The following CACNA1E variants were observed in gnomAD, a reference collection of about 807,000 sequenced individuals.
CACNA1E encodes calcium voltage-gated channel subunit alpha1 E.
In CACNA1E, 40 loss-of-function variants were observed where a neutral mutation model predicts 259.2. That is an observed-to-expected ratio of 0.15 (90% CI 0.12 to 0.20). The LOEUF is 0.20. Among genes scored for constraint, CACNA1E ranks in the 10% least tolerant of loss-of-function variants. CACNA1E has a pLI of 1.00. For synonymous variants in CACNA1E, 1,104 were observed against 1,138.5 expected (o/e 0.97, Z 0.61); for missense variants, 1,874 against 3,040.1 (o/e 0.62, Z 9.02).
chr1:181,686,159 C>G (rs933804452), intron 7 of CACNA1E, among the ~76,000 whole-genome samples: 1 of 151,842 alleles, frequency 6.6e-6, no homozygotes, highest in East Asian at 1.9e-4. Context: ...GTCCGGTGAA[C>G]CTTTTGATAT....
At chr1:181,502,828 A>G (rs766076932) in intron 1 of CACNA1E, among the ~76,000 whole-genome samples, 1 of 152,150 alleles carries the variant, frequency 6.6e-6, no homozygotes, top group Admixed American at 6.5e-5. Context: ...CCTCCTAAGT[A>G]GCTGGGATTA....
chr1:181,530,856 T>C (rs1195844409), intron 3 of CACNA1E, among the ~76,000 whole-genome samples: 2 of 152,094 alleles, frequency 1.3e-5, no homozygotes, highest in African/African-American at 2.4e-5. Context: ...AGAGGTAAAA[T>C]GGAAGAGAAG....
At chr1:181,502,297 A>G (rs1371924053) in intron 1 of CACNA1E, among the ~76,000 whole-genome samples, 1 of 152,226 alleles carries the variant, frequency 6.6e-6, no homozygotes, top group African/African-American at 2.4e-5. Flanking sequence ...CCATATATTG[A>G]TAAATTTGGA....
At chr1:181,415,133 T>C (rs1396110694) in intron 2 of CACNA1E, among the ~76,000 whole-genome samples, 1 of 151,676 alleles carries the variant, frequency 6.6e-6, no homozygotes, top group African/African-American at 2.4e-5. Context: ...CATCTTATCT[T>C]TCTAAGAGGA....
chr1:181,772,736 G>A (rs1032701284), intron 37 of CACNA1E, among the ~76,000 whole-genome samples: 1 of 152,134 alleles, frequency 6.6e-6, no homozygotes, highest in African/African-American at 2.4e-5. Context: ...AATAAATGTG[G>A]TTCTCTCTTG....
intron 1 of CACNA1E, among the ~76,000 whole-genome samples, chr1:181,384,610 T>A (rs1013466613): frequency 2.0e-5 from 3 of 152,174 alleles, no homozygotes; most frequent in African/African-American, 7.2e-5. Flanking sequence ...ATTTCTGGTT[T>A]TGGTTCTTTT....
At chr1:181,417,223 C>G (rs899941879) in intron 2 of CACNA1E, among the ~76,000 whole-genome samples, 1 of 152,126 alleles carries the variant, frequency 6.6e-6, no homozygotes, top group African/African-American at 2.4e-5. Flanking sequence ...GTCACCATTT[C>G]CCATCTTATC....
At chr1:181,702,150 C>T (rs1009555073) in intron 7 of CACNA1E, among the ~76,000 whole-genome samples, 3 of 152,102 alleles carry the variant, frequency 2.0e-5, no homozygotes, top group African/African-American at 7.2e-5. Flanking sequence ...CTGATCCTCC[C>T]TCTTCCCAAA....
intron 7 of CACNA1E, among the ~76,000 whole-genome samples, chr1:181,658,538 A>G (rs545706290): frequency 9.2e-5 from 14 of 152,300 alleles, no homozygotes; most frequent in Admixed American, 4.6e-4. Context: ...TTAGCTGCCT[A>G]TATCCTTCGA....
chr1:181,456,733 T>A (rs1343691497), intron 2 of CACNA1E, among the ~76,000 whole-genome samples: 3 of 152,122 alleles, frequency 2.0e-5, no homozygotes, highest in Admixed American at 1.3e-4. Context: ...GCAGCAGAAA[T>A]TCATGTTCAC....
intron 3 of CACNA1E, among the ~76,000 whole-genome samples, chr1:181,524,229 A>G (rs909592088): frequency 6.6e-6 from 1 of 152,140 alleles, no homozygotes; most frequent in African/African-American, 2.4e-5. Flanking sequence ...TGGTGGTTTT[A>G]TTTTTTTATA....
chr1:181,543,621 A>T (rs538901664), intron 3 of CACNA1E, among the ~76,000 whole-genome samples: 2 of 152,306 alleles, frequency 1.3e-5, no homozygotes, highest in African/African-American at 4.8e-5. Context: ...CTCGCCAGGA[A>T]TCTAACTGGC....
chr1:181,715,132 C>T (rs991252915), intron 8 of CACNA1E, among the ~76,000 whole-genome samples: 1 of 152,224 alleles, frequency 6.6e-6, no homozygotes, highest in East Asian at 1.9e-4. Context: ...CAAACACCCC[C>T]TCCCCGAGGC....
chr1:181,533,275 T>G (rs1667921452), intron 3 of CACNA1E, among the ~76,000 whole-genome samples: 1 of 149,618 alleles, frequency 6.7e-6, no homozygotes, highest in Non-Finnish European at 1.5e-5. Flanking sequence ...AAGTTATGAT[T>G]ATCATGTTTA....
At chr1:181,710,930 G>A in intron 7 of CACNA1E, 24 bp from the exon 8 acceptor site, 1 of 1,536,258 alleles carries the variant, frequency 6.5e-7, no homozygotes, top group Non-Finnish European at 9.0e-7. Context: ...CAAACCCAGT[G>A]AATCTTATCC....
In CACNA1E at chr1:181,757,966, C is replaced by T; in HGVS notation, c.4349C>T (p.Ala1450Val). 2 of 1,613,984 alleles carry T rather than the reference C, an allele frequency of 1.2e-6. No individual in the cohort carries two copies. The highest frequency in any genetic ancestry group is 1.7e-6 in the Non-Finnish European group (2 of 1,179,866). ...TTGCAGAGGGCGTGCATCGACTTCG[C>T]CATCAGCGCCAAACCTCTCACCCGC... The part of the protein sequence containing the change: ...EKNERACIDF[A>V]ISAKPLTRYM... Residue 1450 changes from alanine (A) to valine (V), a missense_variant, in exon 31 of 48, where the codon GCC becomes GTC. By Grantham distance (64) the Ala-to-Val change is moderately conservative. Transcript: ENST00000367573.
At chr1:181,412,149 T>C (rs1474375676) in intron 1 of CACNA1E, among the ~76,000 whole-genome samples, 4 of 152,336 alleles carry the variant, frequency 2.6e-5, no homozygotes, top group South Asian at 4.1e-4. Flanking sequence ...CTCCTTGGCA[T>C]GGAAAAGGAG....
chr1:181,500,363 A>G (rs571470885), intron 1 of CACNA1E, among the ~76,000 whole-genome samples: 1 of 152,300 alleles, frequency 6.6e-6, no homozygotes, highest in African/African-American at 2.4e-5. Context: ...TCCTCTCTGT[A>G]TGTCTCTTCT....
intron 2 of CACNA1E, among the ~76,000 whole-genome samples, chr1:181,451,528 A>G (rs1486714011): frequency 1.3e-5 from 2 of 152,154 alleles, no homozygotes; most frequent in Non-Finnish European, 2.9e-5. Flanking sequence ...TCTACTAAAA[A>G]TACAAAATTA....
Sources: gnomAD v4.1 joint callset for allele counts (sites outside exome capture counted in the v4.1 genomes callset) on GRCh38, gnomAD v4.1.1 for gene constraint, MANE v1.5 for transcripts, NCBI Gene and HGNC (gene_info 2026-07-23, HGNC 2026-07-21) for gene names.